The following MTUS2 variants were observed in gnomAD, a reference collection of about 807,000 sequenced individuals.
The protein encoded by MTUS2 is microtubule associated scaffold protein 2.
In MTUS2, 40 loss-of-function variants were observed where a neutral mutation model predicts 114.1. The observed-to-expected ratio is 0.35, with a 90% CI of 0.27 to 0.46. The LOEUF is 0.46. Among genes scored for constraint, MTUS2 ranks in the 20% least tolerant of loss-of-function variants. The pLI, the probability that MTUS2 is intolerant of heterozygous loss-of-function variation, is 1.00. For missense variants in MTUS2, 1,679 were observed against 1,705.4 expected, an observed-to-expected ratio of 0.98 and a Z score of 0.27; for synonymous variants, 688 against 672.0, an observed-to-expected ratio of 1.02 and a Z score of -0.37.
At chr13:29,490,724 G>A (rs926251361) in intron 11 of MTUS2, among the ~76,000 whole-genome samples, 6 of 152,238 alleles carry the variant, frequency 3.9e-5, no homozygotes, top group Non-Finnish European at 5.9e-5. Flanking sequence ...GGCTACCAAG[G>A]TGTCCGTGTA....
chr13:29,089,414 T>C (rs1225685221), intron 4 of MTUS2, among the ~76,000 whole-genome samples: 1 of 152,228 alleles, frequency 6.6e-6, no homozygotes, highest in Non-Finnish European at 1.5e-5. Context: ...CCTTGGAGAA[T>C]CTGATGACTA....
chr13:28,847,555 C>T (rs1875970792), intron 2 of MTUS2, among the ~76,000 whole-genome samples: 1 of 152,200 alleles, frequency 6.6e-6, no homozygotes, highest in South Asian at 2.1e-4. Flanking sequence ...GCTGCATCCT[C>T]TGTCTTGTTG....
intron 7 of MTUS2, 130 bp from the exon 8 acceptor site, chr13:29,359,132 T>G: frequency 1.1e-6 from 1 of 909,346 alleles, no homozygotes; most frequent in Non-Finnish European, 1.6e-6. Flanking sequence ...TTTCAATCCT[T>G]AAAAATGACA....
intron 5 of MTUS2, among the ~76,000 whole-genome samples, chr13:29,143,361 T>C (rs1285582828): frequency 6.6e-6 from 1 of 152,206 alleles, no homozygotes; most frequent in East Asian, 1.9e-4. Context: ...TTTTCTAAAT[T>C]TGGTGCTCCA....
At chr13:29,146,665 C>G (rs537759762) in intron 5 of MTUS2, among the ~76,000 whole-genome samples, 36 of 152,252 alleles carry the variant, frequency 2.4e-4, no homozygotes, top group African/African-American at 8.7e-4. Flanking sequence ...ACAAGAAAGG[C>G]TACCTACTAC....
intron 4 of MTUS2, among the ~76,000 whole-genome samples, chr13:29,088,392 T>C (rs1889793378): frequency 6.6e-6 from 1 of 152,184 alleles, no homozygotes; most frequent in Non-Finnish European, 1.5e-5. Context: ...GCTTTATGCC[T>C]GAGTGTGTGG....
At chr13:28,886,047 G>C (rs956565876) in intron 2 of MTUS2, among the ~76,000 whole-genome samples, 4 of 152,124 alleles carry the variant, frequency 2.6e-5, no homozygotes, top group African/African-American at 9.7e-5. Context: ...CCAAGCCCCA[G>C]ATTGGAATGT....
Position 29,256,942 on chromosome 13 carries a change from C to T in MTUS2, c.2645-24762C>T, listed in dbSNP as rs546200373. On this transcript the variant is annotated intron_variant, in intron 5 of 15. Coordinates refer to ENST00000612955, the MANE Select transcript of MTUS2 (RefSeq NM_001033602.4). ...TCCTCTCACCTGCTTCCAGGTACTT[C>T]CTCCTGGAGGTTGCCTTCTTCTGGC... Among the ~76,000 whole-genome samples the T allele has an allele frequency of 2.0e-5, 3 of 152,352 alleles. No homozygotes were observed. The East Asian group carries it at 5.8e-4, about 29-fold the overall frequency.
intron 2 of MTUS2, among the ~76,000 whole-genome samples, chr13:28,854,412 CAG>C (rs1235835029): frequency 6.6e-6 from 1 of 152,168 alleles, no homozygotes; most frequent in Non-Finnish European, 1.5e-5. Context: ...ATCTGTAAAA[CAG>C]AGACAACAAT....
chr13:29,298,745 T>C (rs1435530144), intron 6 of MTUS2, among the ~76,000 whole-genome samples: 1 of 152,214 alleles, frequency 6.6e-6, no homozygotes, highest in Admixed American at 6.5e-5. Flanking sequence ...GCATATGATA[T>C]GCATTCCTTT....
intron 1 of MTUS2, among the ~76,000 whole-genome samples, chr13:28,826,824 GAAGCA>G (rs1874300887): frequency 1.3e-5 from 2 of 152,188 alleles, no homozygotes; most frequent in South Asian, 4.1e-4. Context: ...TAAAACAGCA[GAAGCA>G]AATAACACTT....
At chr13:28,976,864 A>G (rs1024842982) in intron 2 of MTUS2, among the ~76,000 whole-genome samples, 6 of 152,224 alleles carry the variant, frequency 3.9e-5, no homozygotes, top group Non-Finnish European at 7.3e-5. Flanking sequence ...TCTGCATGCT[A>G]TGCTAATCAT....
intron 4 of MTUS2, among the ~76,000 whole-genome samples, chr13:29,039,421 G>A (rs534092433): frequency 5.3e-5 from 8 of 152,352 alleles, no homozygotes; most frequent in South Asian, 2.1e-4. Context: ...ATAGGGTCCC[G>A]CAAGGGCTAG....
intron 8 of MTUS2, among the ~76,000 whole-genome samples, chr13:29,362,295 C>CT (rs1307982429): frequency 2.0e-5 from 3 of 152,224 alleles, no homozygotes; most frequent in Non-Finnish European, 2.9e-5. Flanking sequence ...GGCAAAGGCA[C>CT]TTTTTTAACA....
chr13:29,355,187 A>G (rs77209040), intron 7 of MTUS2, among the ~76,000 whole-genome samples: 329 of 152,290 alleles, frequency 2.2e-3, no homozygotes, highest in Non-Finnish European at 3.7e-3. Context: ...TCCATTTTCA[A>G]GGGCCGTGTC....
At chr13:29,233,589 A>G (rs1385962244) in intron 5 of MTUS2, among the ~76,000 whole-genome samples, 1 of 152,234 alleles carries the variant, frequency 6.6e-6, no homozygotes, top group Non-Finnish European at 1.5e-5. Context: ...TAAAATTCAG[A>G]ACCTCGTGCT....
chr13:29,195,741 A>C (rs1682890413), intron 5 of MTUS2, among the ~76,000 whole-genome samples: 1 of 152,126 alleles, frequency 6.6e-6, no homozygotes, highest in Admixed American at 6.6e-5. Flanking sequence ...TTGTTGTTAG[A>C]AGAGTGTTTC....
At chr13:28,824,777 C>A (rs532466863) in intron 1 of MTUS2, among the ~76,000 whole-genome samples, 1 of 152,030 alleles carries the variant, frequency 6.6e-6, no homozygotes, top group Admixed American at 6.6e-5. Flanking sequence ...ACAAAAACTG[C>A]ATCCTTGAGG....
chr13:29,236,124 C>A (rs1439101611), intron 5 of MTUS2, among the ~76,000 whole-genome samples: 1 of 152,092 alleles, frequency 6.6e-6, no homozygotes, highest in Non-Finnish European at 1.5e-5. Flanking sequence ...TTAATCTACT[C>A]TTTCTCCTCT....
Sources: gnomAD v4.1 joint callset for allele counts (sites outside exome capture counted in the v4.1 genomes callset) on GRCh38, gnomAD v4.1.1 for gene constraint, MANE v1.5 for transcripts, NCBI Gene and HGNC (gene_info 2026-07-23, HGNC 2026-07-21) for gene names.